Variants in USO1 observed in about 807,000 individuals in gnomAD.
USO1 encodes the protein USO1 vesicle transport factor.
USO1 carries 57 observed loss-of-function variants against 124.5 expected under a neutral mutation model. The ratio of observed to expected loss-of-function variants is 0.46; its 90% CI spans 0.37 to 0.57. USO1 has a LOEUF of 0.57. Among genes scored for constraint, USO1 ranks in the 20% least tolerant of loss-of-function variants. USO1 has a pLI of 0.00. For synonymous variants in USO1, 369 were observed against 362.8 expected, an observed-to-expected ratio of 1.02 and a Z score of -0.19; for missense variants, 900 against 1,040.6, an observed-to-expected ratio of 0.86 and a Z score of 1.86.
chr4:75,734,555 T>A (rs1018728335), intron 1 of USO1, among the ~76,000 whole-genome samples: 4 of 152,072 alleles, frequency 2.6e-5, no homozygotes, highest in Non-Finnish European at 5.9e-5. Context: ...TGGGGTAGTG[T>A]GATTTTTCCA....
intron 21 of USO1, 94 bp from the exon 22 acceptor site, chr4:75,810,338 A>AT: frequency 7.3e-7 from 1 of 1,367,508 alleles, no homozygotes; most frequent in Non-Finnish European, 9.7e-7. Flanking sequence ...TGAAAGTAAA[A>AT]TATCAAAATG....
chr4:75,736,976 A>G lies in USO1; in HGVS notation c.66+12091A>G, dbSNP rs937508581. Among the ~76,000 whole-genome samples the G allele has an allele frequency of 5.3e-5, 8 of 152,294 alleles. No individual in the cohort carries two copies. The East Asian group carries it at 5.8e-4, about 11-fold the overall frequency. On this transcript the variant is annotated intron_variant, in intron 1 of 23. Transcript: ENST00000514213. Reference sequence around the variant, plus strand: ...TTCAAAGTCCAGTTGGGGAGGTTCAATGTAGCTGGTCAGGTCATAGAGAAG... The same window carrying G: ...TTCAAAGTCCAGTTGGGGAGGTTCAGTGTAGCTGGTCAGGTCATAGAGAAG...
intron 8 of USO1, 116 bp downstream of exon 8, chr4:75,774,912 C>A (rs1722032379): frequency 7.2e-7 from 1 of 1,379,748 alleles, no homozygotes; most frequent in Non-Finnish European, 9.5e-7. Flanking sequence ...CTTTGTTTTT[C>A]TTTCACTATG....
chr4:75,793,263 G>A (rs971391743), intron 12 of USO1, among the ~76,000 whole-genome samples: 1 of 129,374 alleles, frequency 7.7e-6, no homozygotes, highest in Non-Finnish European at 1.6e-5. Context: ...AGGTTGGAGT[G>A]CAGTGGCGCA....
intron 19 of USO1, 62 bp from the exon 20 acceptor site, chr4:75,806,423 GT>G (rs11312984): frequency 0.6 from 912,846 of 1,521,156 alleles, 276,688 homozygotes; most frequent in East Asian, 0.83. Context: ...GTACAGTTCT[GT>G]TTTTTTTTCT....
chr4:75,797,560 CAAA>C (rs34297170), intron 13 of USO1, among the ~76,000 whole-genome samples: 8 of 111,524 alleles, frequency 7.2e-5, no homozygotes, highest in South Asian at 2.8e-4. Context: ...GTTCCAGAAG[CAAA>C]AAAAAAAAAA....
At chr4:75,805,652 A>G (rs926457914) in intron 19 of USO1, among the ~76,000 whole-genome samples, 3 of 151,758 alleles carry the variant, frequency 2.0e-5, no homozygotes, top group Non-Finnish European at 4.4e-5. Flanking sequence ...GGTTGCAGTG[A>G]GCCGAGATCA....
intron 1 of USO1, chr4:75,729,861 A>G: frequency 3.2e-6 from 1 of 313,442 alleles, no homozygotes; most frequent in South Asian, 2.6e-5. Context: ...AAGGGCTAAC[A>G]ATATAAACAC....
At chr4:75,736,364 C>G (rs1720792810) in intron 1 of USO1, among the ~76,000 whole-genome samples, 1 of 129,996 alleles carries the variant, frequency 7.7e-6, no homozygotes, top group Admixed American at 9.3e-5. Flanking sequence ...GTCACCCAGG[C>G]TGGCGCAATT....
intron 1 of USO1, among the ~76,000 whole-genome samples, chr4:75,750,650 A>G (rs1329533560): frequency 6.6e-6 from 1 of 151,700 alleles, no homozygotes; most frequent in African/African-American, 2.4e-5. Flanking sequence ...TCACCCAGCT[A>G]ATTTTTGTAT....
At chr4:75,745,320 G>A (rs775239441) in intron 1 of USO1, 1 of 519,832 alleles carries the variant, frequency 1.9e-6, no homozygotes, top group South Asian at 1.4e-5. Flanking sequence ...TGGCTGGGCA[G>A]TTTAGTCAAA....
chr4:75,762,283 G>T (rs1484672424), intron 4 of USO1, among the ~76,000 whole-genome samples: 1 of 141,824 alleles, frequency 7.1e-6, no homozygotes, highest in African/African-American at 2.6e-5. Context: ...CGATTCTCAT[G>T]CCTCAGCCTC....
chr4:75,778,154 C>T (rs575078528), intron 8 of USO1, among the ~76,000 whole-genome samples: 2 of 152,110 alleles, frequency 1.3e-5, no homozygotes, highest in Non-Finnish European at 2.9e-5. Flanking sequence ...GACACCAATG[C>T]CCCAGTTGAA....
chr4:75,724,716 A>G lies in USO1; in HGVS notation c.-104A>G, dbSNP rs1720337026. On this transcript the variant is annotated 5_prime_UTR_variant, in exon 1 of 24. Coordinates refer to ENST00000514213, the MANE Select transcript of USO1 (RefSeq NM_003715.4). ...TGGAGGCGGTGGTGGCAGCAGTAGGAGTGTGTAGAGTGCGGGATTGGGGCC... is the reference window on the plus strand; with the variant it reads ...TGGAGGCGGTGGTGGCAGCAGTAGGGGTGTGTAGAGTGCGGGATTGGGGCC... The G allele has an allele frequency of 8.6e-7, 1 of 1,166,652 alleles. No homozygotes were observed. The highest frequency in any genetic ancestry group is 1.4e-5 in the South Asian group (1 of 71,936). 72.3% of individuals were successfully genotyped at this position (1,166,652 alleles called of 1,614,324 possible).
intron 22 of USO1, among the ~76,000 whole-genome samples, chr4:75,811,068 T>C (rs769926616): frequency 3.9e-5 from 6 of 152,192 alleles, no homozygotes; most frequent in African/African-American, 7.2e-5. Flanking sequence ...CTATTTCAAA[T>C]AATGATAATA....
At chr4:75,784,004 G>A (rs1722292765) in intron 9 of USO1, among the ~76,000 whole-genome samples, 1 of 152,128 alleles carries the variant, frequency 6.6e-6, no homozygotes, top group African/African-American at 2.4e-5. Context: ...TGATACCTTT[G>A]TTCAAAACTG....
chr4:75,778,660 G>T (rs1180218124), intron 8 of USO1, among the ~76,000 whole-genome samples: 1 of 152,088 alleles, frequency 6.6e-6, no homozygotes, highest in African/African-American at 2.4e-5. Flanking sequence ...TATTTTTTAG[G>T]GCCATGAAAC....
intron 1 of USO1, 29 bp from the exon 2 acceptor site, chr4:75,752,339 ATTCTT>A (rs1721316511): frequency 2.5e-6 from 1 of 397,526 alleles, no homozygotes; most frequent in Middle Eastern, 6.2e-4. Context: ...GGTTTTTTTT[ATTCTT>A]TTAATGCCAT....
intron 9 of USO1, among the ~76,000 whole-genome samples, chr4:75,786,762 A>G (rs1722373486): frequency 6.6e-6 from 1 of 152,198 alleles, no homozygotes; most frequent in South Asian, 2.1e-4. Flanking sequence ...TCATTCATTT[A>G]CTTATTAAAT....
Sources: allele counts gnomAD v4.1 joint callset (sites outside exome capture counted in the v4.1 genomes callset), GRCh38; gene constraint gnomAD v4.1.1; transcripts MANE v1.5; gene names NCBI Gene and HGNC (gene_info 2026-07-23, HGNC 2026-07-21).